GPC6: variants seen among roughly 807,000 people sequenced by gnomAD.
The protein encoded by GPC6 is glypican-6.
In GPC6, 14 loss-of-function variants were observed where a neutral mutation model predicts 55.2. That is an observed-to-expected ratio of 0.25 (90% CI 0.17 to 0.40). The LOEUF (loss-of-function observed/expected upper bound fraction) is 0.40. GPC6 is among the 10% of genes least tolerant of loss of function. GPC6 has a pLI of 1.00. For missense variants in GPC6, 641 were observed against 708.5 expected (o/e 0.90, Z 1.08); for synonymous variants, 278 against 259.6 (o/e 1.07, Z -0.68).
At chr13:93,919,700 A>G (rs1877474911) in intron 3 of GPC6, among the ~76,000 whole-genome samples, 1 of 152,226 alleles carries the variant, frequency 6.6e-6, no homozygotes, top group African/African-American at 2.4e-5. Flanking sequence ...TTTTTATAGC[A>G]TAAACCGAAA....
chr13:93,832,836 A>G (rs1020801586), intron 3 of GPC6, among the ~76,000 whole-genome samples: 4 of 152,134 alleles, frequency 2.6e-5, no homozygotes, highest in Non-Finnish European at 5.9e-5. Flanking sequence ...ATTTTCCAAC[A>G]CTGTATTCTC....
intron 3 of GPC6, among the ~76,000 whole-genome samples, chr13:93,982,819 C>T (rs1880865644): frequency 6.6e-6 from 1 of 152,146 alleles, no homozygotes; most frequent in Admixed American, 6.5e-5. Flanking sequence ...AAAGACAGTC[C>T]TTTCTGTTTC....
intron 3 of GPC6, among the ~76,000 whole-genome samples, chr13:93,900,740 A>C (rs2140326656): frequency 6.6e-6 from 1 of 152,312 alleles, no homozygotes; most frequent in South Asian, 2.1e-4. Flanking sequence ...TCTATGAAGA[A>C]GAATGCAGTA....
intron 3 of GPC6, among the ~76,000 whole-genome samples, chr13:93,954,877 T>C (rs1286226734): frequency 6.6e-6 from 1 of 152,166 alleles, no homozygotes; most frequent in African/African-American, 2.4e-5. Flanking sequence ...GCCATCTCCT[T>C]TAATATCCAC....
At chr13:93,585,247 A>T (rs924376023) in intron 2 of GPC6, among the ~76,000 whole-genome samples, 2 of 152,142 alleles carry the variant, frequency 1.3e-5, no homozygotes, top group African/African-American at 4.8e-5. Context: ...TTCTCCTTTT[A>T]TGAAAAACAA....
rs1335014958 is a variant in GPC6 at position 94,398,655 on chromosome 13, T to C, written c.1465+14T>C. ...TCCAGGACACAAGTAAGAAAATCCT[T>C]CCCAGCACCAGAAATTTTCAAAGTA... On this transcript the variant is annotated intron_variant, in intron 8 of 8. Transcript: ENST00000377047. 13 of 1,612,452 alleles carry C rather than the reference T, an allele frequency of 8.1e-6. No individual in the cohort carries two copies. Among genetic ancestry groups the C allele is most frequent in the Non-Finnish European group, 8.5e-6 (10 of 1,178,608 alleles).
At chr13:93,906,903 A>G (rs1042663130) in intron 3 of GPC6, among the ~76,000 whole-genome samples, 3 of 152,192 alleles carry the variant, frequency 2.0e-5, no homozygotes, top group Admixed American at 6.6e-5. Flanking sequence ...TAGTAGATAC[A>G]TATATATTCT....
chr13:93,837,485 A>G (rs1335069442), intron 3 of GPC6, among the ~76,000 whole-genome samples: 1 of 152,162 alleles, frequency 6.6e-6, no homozygotes, highest in Non-Finnish European at 1.5e-5. Flanking sequence ...TCTTGTAAAA[A>G]CAGAGCCACT....
chr13:93,517,642 T>A (rs1881251373), intron 1 of GPC6, among the ~76,000 whole-genome samples: 2 of 152,072 alleles, frequency 1.3e-5, no homozygotes, highest in Non-Finnish European at 2.9e-5. Flanking sequence ...GTAATTTTTT[T>A]AGTCAGATCT....
rs550776905 is a variant in GPC6 at position 93,347,520 on chromosome 13, C to T, written c.160+119904C>T. 2.2e-4 allele frequency among the ~76,000 whole-genome samples: 34 copies of T among 152,212 alleles called. 1 individual carries two copies. The highest frequency in any genetic ancestry group is 8.2e-4 in the African/African-American group (34 of 41,546). ...AGTTGTTATTTTTGTCATGAGAGGG[C>T]ATGAGAAGCAATCTCCCCTTCCCCT... On this transcript the variant is annotated intron_variant, in intron 1 of 8. Transcript: ENST00000377047.
intron 6 of GPC6, among the ~76,000 whole-genome samples, chr13:94,370,161 G>A (rs1364330794): frequency 6.6e-6 from 1 of 152,166 alleles, no homozygotes; most frequent in Admixed American, 6.5e-5. Flanking sequence ...CTAAAACTTG[G>A]GAGGCTGTAA....
chr13:94,332,710 A>G (rs973889784), intron 6 of GPC6, among the ~76,000 whole-genome samples: 3 of 152,230 alleles, frequency 2.0e-5, no homozygotes, highest in African/African-American at 7.2e-5. Context: ...ATTATTTTCG[A>G]AAAGGTTTTT....
At chr13:94,015,077 G>A (rs1882407670) in intron 3 of GPC6, among the ~76,000 whole-genome samples, 1 of 152,146 alleles carries the variant, frequency 6.6e-6, no homozygotes, top group Non-Finnish European at 1.5e-5. Context: ...AGATCACATG[G>A]TAGTTTTATG....
In GPC6 at chr13:93,946,887, C is replaced by G. The variant is rs568221871; in HGVS notation, c.712-80842C>G. On this transcript the variant is annotated intron_variant, in intron 3 of 8. Transcript: ENST00000377047. ...CATCTAGCACTTCTAAGTGTTTTCTCATGGGGAGGTTTTAAGATATCTGGT... is the reference window on the plus strand; with the variant it reads ...CATCTAGCACTTCTAAGTGTTTTCTGATGGGGAGGTTTTAAGATATCTGGT... 3.9e-5 allele frequency among the ~76,000 whole-genome samples: 6 copies of G among 152,220 alleles called. No homozygotes were observed. In the East Asian group the frequency reaches 9.7e-4, roughly 25 times the overall value.
chr13:93,506,753 G>A (rs528210889), intron 1 of GPC6, among the ~76,000 whole-genome samples: 9 of 151,836 alleles, frequency 5.9e-5, no homozygotes, highest in Non-Finnish European at 1.2e-4. Flanking sequence ...TAAAAAGCCC[G>A]GAGTAGGCCG....
chr13:94,130,967 C>G (rs767133146), intron 4 of GPC6, among the ~76,000 whole-genome samples: 1 of 152,028 alleles, frequency 6.6e-6, no homozygotes, highest in Non-Finnish European at 1.5e-5. Context: ...AATAACTAGA[C>G]AAGAAACTCC....
At chr13:93,615,013 A>C (rs1017120921) in intron 2 of GPC6, among the ~76,000 whole-genome samples, 6 of 152,216 alleles carry the variant, frequency 3.9e-5, no homozygotes, top group Admixed American at 1.3e-4. Flanking sequence ...AAGGTCCTGG[A>C]TTCCTCACAC....
intron 1 of GPC6, among the ~76,000 whole-genome samples, chr13:93,379,781 A>G (rs746294669): frequency 2.4e-4 from 37 of 152,168 alleles, no homozygotes; most frequent in Non-Finnish European, 4.7e-4. Flanking sequence ...GAAAATAAAT[A>G]TATGTAACTT....
At chr13:93,256,270 A>G (rs137999204) in intron 1 of GPC6, among the ~76,000 whole-genome samples, 181 of 152,250 alleles carry the variant, frequency 1.2e-3, no homozygotes, top group African/African-American at 4.2e-3. Flanking sequence ...TCATTTGGAA[A>G]AAAATAAGAC....
Sources: allele counts gnomAD v4.1 joint callset (sites outside exome capture counted in the v4.1 genomes callset), GRCh38; gene constraint gnomAD v4.1.1; transcripts MANE v1.5; gene names NCBI Gene and HGNC (gene_info 2026-07-23, HGNC 2026-07-21).